PCDH12: variants seen among roughly 807,000 people sequenced by gnomAD.
The protein encoded by PCDH12 is protocadherin-12.
A neutral mutation model predicts 70.9 loss-of-function variants in PCDH12; 45 were observed. That is an observed-to-expected ratio of 0.63 (90% confidence interval 0.50 to 0.81). The LOEUF (loss-of-function observed/expected upper bound fraction) is 0.81, where lower values mean the gene tolerates loss of function less well. Ranked by LOEUF, PCDH12 falls within the 40% of genes least tolerant of loss-of-function variation. PCDH12 has a pLI of 0.00. For synonymous variants in PCDH12, 567 were observed against 626.0 expected, an observed-to-expected ratio of 0.91 and a Z score of 1.41; for missense variants, 1,370 against 1,491.7, an observed-to-expected ratio of 0.92 and a Z score of 1.34.
chr5:141,953,703 C>T (rs974133162), intron 1 of PCDH12, among the ~76,000 whole-genome samples: 1 of 152,220 alleles, frequency 6.6e-6, no homozygotes, highest in Non-Finnish European at 1.5e-5. Flanking sequence ...CAAAAAGCAC[C>T]TGATAAATGG....
rs755687030 is a variant in PCDH12 at position 141,955,377 on chromosome 5, C to T, written c.2475G>A (p.Thr825=). 33 of 1,613,880 alleles carry T rather than the reference C, an allele frequency of 2.0e-5. No homozygotes were observed. In the South Asian group the frequency reaches 3.1e-4, roughly 15 times the overall value. The change falls in exon 1 of 4, where the codon ACG becomes ACA. Residue 825 remains threonine (T), a synonymous_variant. Transcript: ENST00000231484. The surrounding 1 kb of genome is among the most constrained non-coding windows in gnomAD (Gnocchi z 5.5). The part of the protein sequence containing the change: ...PFHLTPTLYR[T]LRNQGNQGAP... ...CTCCCTGGTTGCCTTGATTACGCAG[C>T]GTCCTGTACAGGGTCGGGGTGAGGT...
rs1336443436 is a variant in PCDH12, at chr5:141,954,957, C to T, written c.2880+15G>A. The T allele has an allele frequency of 6.2e-7, 1 of 1,600,048 alleles. No individual in the cohort carries two copies. The highest frequency in any genetic ancestry group is 8.5e-7 in the Non-Finnish European group (1 of 1,171,610). The stretch of plus-strand genomic sequence containing the variant: ...CAGGAGTGACCAGAGAAAGAGCTGC[C>T]CATGCCCCAGGTACCTGAACAGGAG... On this transcript the variant is annotated intron_variant, in intron 1 of 3. Coordinates refer to ENST00000231484, the MANE Select transcript of PCDH12 (RefSeq NM_016580.4).
Position 141,956,621 on chromosome 5 carries a change from T to C in PCDH12, c.1231A>G (p.Met411Val), listed in dbSNP as rs1288732740. The change falls in exon 1 of 4, where the codon ATG becomes GTG. Residue 411 changes from methionine to valine, a missense_variant. Coordinates refer to ENST00000231484, the MANE Select transcript of PCDH12 (RefSeq NM_016580.4). ...RLKRTNGNTY[M>V]LLTNATLDRE... ...TCCAGTGTGGCATTGGTTAGCAACA[T>C]GTATGTGTTGCCATTAGTTCTTTTC... The C allele has an allele frequency of 1.2e-6, 2 of 1,614,152 alleles. No individual in the cohort carries two copies. The highest frequency in any genetic ancestry group is 1.7e-5 in the Admixed American group (1 of 60,024).
At chr5:141,947,971 G>C (rs532877831) in intron 3 of PCDH12, among the ~76,000 whole-genome samples, 1 of 152,334 alleles carries the variant, frequency 6.6e-6, no homozygotes, top group Admixed American at 6.5e-5. Flanking sequence ...AGAATCCAAA[G>C]CTATATCCCC....
In PCDH12 at chr5:141,955,772, T is replaced by A; in HGVS notation, c.2080A>T (p.Met694Leu). The change falls in exon 1 of 4, where the codon ATG becomes TTG. Residue 694 changes from methionine (M) to leucine (L), a missense_variant. Physicochemically the swap from Met to Leu is conservative, Grantham distance 15. Transcript: ENST00000231484. This position sits in a 1 kb window ranked among gnomAD's most constrained non-coding sequence, Gnocchi z 5.5. ...PLQTRALLRV[M>L]FVTSVDHLRD... is the part of the protein sequence containing the mutation. ...AGGTGGTCCACACTGGTGACAAACA[T>A]GACCCTCAACAGGGCTCGGGTCTGT... The A allele has an allele frequency of 6.2e-7, 1 of 1,613,946 alleles. No individual in the cohort carries two copies.
rs766507231 is a variant in PCDH12, at chr5:141,957,410, C to T, written c.442G>A (p.Ala148Thr). 24 of 1,613,000 alleles carry T rather than the reference C, an allele frequency of 1.5e-5. No individual in the cohort carries two copies. The South Asian group carries it at 1.7e-4, about 11-fold the overall frequency. The change falls in exon 1 of 4, where the codon GCC becomes ACC. Residue 148 changes from alanine to threonine, a missense_variant. Coordinates refer to ENST00000231484, the MANE Select transcript of PCDH12 (RefSeq NM_016580.4). The surrounding 1 kb of genome is among the most constrained non-coding windows in gnomAD (Gnocchi z 4.3). The stretch of plus-strand genomic sequence containing the variant: ...AGGGGGATCCGGGTTCGCAGAGAGG[C>T]GCTCTCAGAGATTTCCAGCTCCTGC... ...GEQELEISES[A>T]SLRTRIPLDR... is the part of the protein sequence containing the mutation.
In PCDH12 at chr5:141,956,115, C is replaced by T. The variant is rs1753178979; in HGVS notation, c.1737G>A (p.Val579=). 1.2e-6 allele frequency: 2 copies of T among 1,614,194 alleles called. No homozygotes were observed. The highest frequency in any genetic ancestry group is 4.5e-5 in the East Asian group (2 of 44,880). Residue 579 remains valine (V), a synonymous_variant, in exon 1 of 4, where the codon GTG becomes GTA. Transcript: ENST00000231484. ...GGTGGCCTGTGGAGGCATTCACAAG[C>T]ACGGAGAGGCTGGCTTTTCCATCGC... ...VLSDGKASLS[V]LVNASTGHLL...
intron 1 of PCDH12, 77 bp from the exon 2 acceptor site, chr5:141,951,667 G>A: frequency 9.6e-7 from 1 of 1,037,044 alleles, no homozygotes; most frequent in Admixed American, 1.7e-5. Context: ...TTCCCTCAAT[G>A]CCGGTGCTTT....
chr5:141,949,403 G>A, intron 3 of PCDH12, 29 bp downstream of exon 3: 1 of 1,595,914 alleles, frequency 6.3e-7, no homozygotes, highest in South Asian at 1.1e-5. Context: ...GGCAGAAGCA[G>A]GGTCAAGGTA....
chr5:141,951,894 G>T (rs1753091416), intron 1 of PCDH12, among the ~76,000 whole-genome samples: 1 of 152,196 alleles, frequency 6.6e-6, no homozygotes, highest in Non-Finnish European at 1.5e-5. Flanking sequence ...GAGAGATGGG[G>T]TGAAAAAGGC....
chr5:141,945,147 T>C lies in PCDH12; in HGVS notation c.*234A>G, dbSNP rs572085350. 4.6e-5 allele frequency: 26 copies of C among 570,108 alleles called. No homozygotes were observed. The highest frequency in any genetic ancestry group is 4.7e-4 in the Middle Eastern group (1 of 2,118). 35.3% of individuals were successfully genotyped at this position (570,108 alleles called of 1,614,324 possible). A position where few individuals can be genotyped will look rare whatever the true frequency, so the allele number is the denominator to read the frequency against. ...CATATGTTTTGCCAGGAAACACTTA[T>C]CTCAGCCACAAACCGTCCCTGTCCT... On this transcript the variant is annotated 3_prime_UTR_variant, in exon 4 of 4. Transcript: ENST00000231484.
rs61737136 is a variant in PCDH12 at position 141,957,581 on chromosome 5, G to T, written c.271C>A (p.Arg91=). The change falls in exon 1 of 4, where the codon CGG becomes AGG. Residue 91 remains arginine (R), a synonymous_variant. Coordinates refer to ENST00000231484, the MANE Select transcript of PCDH12 (RefSeq NM_016580.4). This position sits in a 1 kb window ranked among gnomAD's most constrained non-coding sequence, Gnocchi z 4.3. ...SEEGLLSTGR[R]LDREQLCRQW... Reference sequence around the variant, plus strand: ...CGGCACAGCTGCTCTCGATCCAGCCGCCTGCCTGTGCTGAGCAAGCCTTCC... The same window carrying T: ...CGGCACAGCTGCTCTCGATCCAGCCTCCTGCCTGTGCTGAGCAAGCCTTCC... 6.2e-7 allele frequency: 1 copy of T among 1,614,132 alleles called. No individual in the cohort carries two copies. The highest frequency in any genetic ancestry group is 1.1e-5 in the South Asian group (1 of 91,088).
chr5:141,955,444 A>T lies in PCDH12; in HGVS notation c.2408T>A (p.Met803Lys), dbSNP rs1431399025. Residue 803 changes from methionine to lysine, a missense_variant, in exon 1 of 4, where the codon ATG (methionine) becomes AAG (lysine). Coordinates refer to ENST00000231484, the MANE Select transcript of PCDH12 (RefSeq NM_016580.4). This position sits in a 1 kb window ranked among gnomAD's most constrained non-coding sequence, Gnocchi z 5.5. ...QSHKDVDKEA[M>K]MEAGWDPCLQ... is the part of the protein sequence containing the mutation. ...GCAGGGGTCCCAGCCTGCTTCCATC[A>T]TCGCCTCCTTGTCCACATCTTTGTG... 1.9e-6 allele frequency: 3 copies of T among 1,613,928 alleles called. No homozygotes were observed. Among genetic ancestry groups the T allele is most frequent in the Non-Finnish European group, 1.7e-6 (2 of 1,179,994 alleles).
chr5:141,947,839 C>T (rs1752978047), intron 3 of PCDH12, among the ~76,000 whole-genome samples: 1 of 152,126 alleles, frequency 6.6e-6, no homozygotes, highest in Non-Finnish European at 1.5e-5. Flanking sequence ...TTCTGCCCCT[C>T]CTCTTTCCTT....
chr5:141,953,017 A>G (rs1016845299), intron 1 of PCDH12: 7 of 152,190 alleles, frequency 4.6e-5, no homozygotes, highest in African/African-American at 1.4e-4. Flanking sequence ...CTCAGGGAAG[A>G]TCCCACCTCC....
At chr5:141,949,000 G>A (rs1420668872) in intron 3 of PCDH12, among the ~76,000 whole-genome samples, 1 of 151,290 alleles carries the variant, frequency 6.6e-6, no homozygotes, top group Non-Finnish European at 1.5e-5. Flanking sequence ...GATTGCTTGA[G>A]CCCAGGAGTT....
intron 3 of PCDH12, among the ~76,000 whole-genome samples, chr5:141,948,989 G>A (rs1753012704): frequency 6.6e-6 from 1 of 151,804 alleles, no homozygotes; most frequent in Non-Finnish European, 1.5e-5. Flanking sequence ...TGAGGTGGGT[G>A]GATTGCTTGA....
In PCDH12 at chr5:141,957,746, C is replaced by G; in HGVS notation, c.106G>C (p.Val36Leu). The G allele has an allele frequency of 6.2e-7, 1 of 1,613,202 alleles. No individual in the cohort carries two copies. Among genetic ancestry groups the G allele is most frequent in the African/African-American group, 1.3e-5 (1 of 75,052 alleles). The change falls in exon 1 of 4, where the codon GTG becomes CTG. Residue 36 changes from valine to leucine, a missense_variant. By Grantham distance (32) the Val-to-Leu change is conservative. Transcript: ENST00000231484. The surrounding 1 kb of genome is among the most constrained non-coding windows in gnomAD (Gnocchi z 4.3). ...EVTTLTVKYQ[V>L]SEEVPSGTVI... ...GTACCAGATGGCACTTCCTCTGACA[C>G]TTGGTATTTCACCGTGAGAGTGGTC...
chr5:141,947,381 G>T (rs1752963174), intron 3 of PCDH12, among the ~76,000 whole-genome samples: 1 of 152,248 alleles, frequency 6.6e-6, no homozygotes. Flanking sequence ...TATAGAATCA[G>T]GCCTTTCCTT....
Sources: gnomAD v4.1 joint callset for allele counts (sites outside exome capture counted in the v4.1 genomes callset) on GRCh38, gnomAD v4.1.1 for gene constraint, Gnocchi (gnomAD v3.1) non-coding constraint, MANE v1.5 for transcripts, NCBI Gene and HGNC (gene_info 2026-07-23, HGNC 2026-07-21) for gene names.